The following KCNQ1 variants were observed in gnomAD, a reference collection of about 807,000 sequenced individuals.
KCNQ1 encodes potassium voltage-gated channel subfamily Q member 1, also known as potassium voltage-gated channel subfamily KQT member 1.
A neutral mutation model predicts 72.4 loss-of-function variants in KCNQ1; 49 were observed. That is an observed-to-expected ratio of 0.68 (90% confidence interval 0.54 to 0.86). The LOEUF is 0.86. Among genes scored for constraint, KCNQ1 ranks in the 40% least tolerant of loss-of-function variants. KCNQ1 has a pLI of 0.00. For synonymous variants in KCNQ1, 450 were observed against 412.6 expected, an observed-to-expected ratio of 1.09 and a Z score of -1.10; for missense variants, 790 against 945.1, an observed-to-expected ratio of 0.84 and a Z score of 2.15.
intron 3 of KCNQ1, 126 bp from the exon 4 acceptor site, chr11:2,571,199 C>A (rs1039014337): frequency 1.3e-6 from 1 of 790,578 alleles, no homozygotes; most frequent in East Asian, 2.6e-5. Context: ...TCCATGTCCC[C>A]GGTCATCAGG....
At position 2,445,455 on chromosome 11, in the gene KCNQ1, C is replaced by T. The variant is rs8178998; in HGVS notation, c.357C>T (p.Gly119=). ...RVYNFLERPT[G]WKCFVYHFAV... is the part of the protein sequence containing the mutation. The stretch of plus-strand genomic sequence containing the variant: ...ACAACTTCCTCGAGCGTCCCACCGG[C>T]TGGAAATGCTTCGTTTACCACTTCG... Residue 119 remains glycine (G), a synonymous_variant, in exon 1 of 16, where the codon GGC becomes GGT. Coordinates refer to ENST00000155840, the MANE Select transcript of KCNQ1 (RefSeq NM_000218.3). 1 of 1,597,012 alleles carries T rather than the reference C, an allele frequency of 6.3e-7. No individual in the cohort carries two copies. Among genetic ancestry groups the T allele is most frequent in the African/African-American group, 1.3e-5 (1 of 75,052 alleles).
chr11:2,467,468 G>T (rs755555401), intron 1 of KCNQ1, among the ~76,000 whole-genome samples: 2 of 152,174 alleles, frequency 1.3e-5, no homozygotes, highest in Non-Finnish European at 2.9e-5. Context: ...GTGGCCGGGG[G>T]CTCAGCTGAG....
chr11:2,469,942 G>A (rs1419422370), intron 1 of KCNQ1, among the ~76,000 whole-genome samples: 1 of 152,210 alleles, frequency 6.6e-6, no homozygotes, highest in Admixed American at 6.5e-5. Context: ...TTACAGGCAT[G>A]AGCCACCACG....
rs747533412 is a variant in KCNQ1, at chr11:2,566,556, C to T, written c.478-4072C>T. On this transcript the variant is annotated intron_variant, in intron 2 of 15. Coordinates refer to ENST00000155840, the MANE Select transcript of KCNQ1 (RefSeq NM_000218.3). The surrounding 1 kb of genome is among the most constrained non-coding windows in gnomAD (Gnocchi z 6.7). ...ACGTCTCGGTGCCCAGATCTGAGGC[C>T]CTTTTGTCCATGAAGCCATCTGCAG... is the stretch of plus-strand genomic sequence containing the variant. Among the ~76,000 whole-genome samples, 1 of 152,052 alleles carries T rather than the reference C, an allele frequency of 6.6e-6. No individual in the cohort carries two copies. The highest frequency in any genetic ancestry group is 1.5e-5 in the Non-Finnish European group (1 of 67,988).
intron 1 of KCNQ1, among the ~76,000 whole-genome samples, chr11:2,499,533 C>CCA (rs761604921): frequency 0.46 from 57,063 of 125,028 alleles, 13,607 homozygotes; most frequent in Non-Finnish European, 0.56. Flanking sequence ...CCTGCCCCCA[C>CCA]AAAAAAAGAC....
At chr11:2,655,193 G>C (rs1211319714) in intron 10 of KCNQ1, 4 of 398,534 alleles carry the variant, frequency 1.0e-5, no homozygotes, top group African/African-American at 2.1e-5. Context: ...AGACTTGGCA[G>C]CCAGCGTCCC....
intron 15 of KCNQ1, among the ~76,000 whole-genome samples, chr11:2,814,301 G>A (rs1035160917): frequency 1.3e-5 from 2 of 149,248 alleles, no homozygotes; most frequent in South Asian, 2.1e-4. Context: ...ATGGATGGAT[G>A]GATAGATGGA....
chr11:2,480,952 G>T (rs932215280), intron 1 of KCNQ1, among the ~76,000 whole-genome samples: 1 of 152,170 alleles, frequency 6.6e-6, no homozygotes, highest in Non-Finnish European at 1.5e-5. Flanking sequence ...TGTAGAAACC[G>T]CAGGCAAGTC....
At chr11:2,795,445 T>A (rs571498688) in intron 15 of KCNQ1, among the ~76,000 whole-genome samples, 1 of 152,326 alleles carries the variant, frequency 6.6e-6, no homozygotes, top group African/African-American at 2.4e-5. Flanking sequence ...GAGGGGCTCC[T>A]CCTCCTCCAA....
At chr11:2,514,177 T>C (rs1294547704) in intron 1 of KCNQ1, among the ~76,000 whole-genome samples, 3 of 152,162 alleles carry the variant, frequency 2.0e-5, no homozygotes, top group African/African-American at 7.2e-5. Flanking sequence ...CTGGCGGCCA[T>C]GGAGGCAGTG....
At chr11:2,796,024 T>C (rs1847121833) in intron 15 of KCNQ1, among the ~76,000 whole-genome samples, 1 of 152,020 alleles carries the variant, frequency 6.6e-6, no homozygotes, top group African/African-American at 2.4e-5. Context: ...CCACCGACAT[T>C]TCTTAGATGA....
rs949957544 is a variant in KCNQ1, at chr11:2,683,587, A to G, written c.1514+21506A>G. ...GACTGGCATCACAAACACTGCCCTG[A>G]AATGCCAACTCATTTCAAATACTGC... On this transcript the variant is annotated intron_variant, in intron 11 of 15. Coordinates refer to ENST00000155840, the MANE Select transcript of KCNQ1 (RefSeq NM_000218.3). The surrounding 1 kb of genome is among the most constrained non-coding windows in gnomAD (Gnocchi z 4.7). 7.0e-5 allele frequency: 28 copies of G among 398,542 alleles called. No homozygotes were observed. The highest frequency in any genetic ancestry group is 8.8e-5 in the Non-Finnish European group (20 of 226,082). The allele number at this position is 398,542 out of a possible 1,614,324, so 24.7% of individuals were successfully genotyped here. A position where few individuals can be genotyped will look rare whatever the true frequency, so the allele number is the denominator to read the frequency against.
At chr11:2,456,805 G>T (rs1233214376) in intron 1 of KCNQ1, among the ~76,000 whole-genome samples, 1 of 146,968 alleles carries the variant, frequency 6.8e-6, no homozygotes, top group Non-Finnish European at 1.5e-5. Context: ...CGGGCGTGGG[G>T]GTGGGCGCCT....
In KCNQ1 at chr11:2,663,832, G is replaced by C. The variant is rs1375303756; in HGVS notation, c.1514+1751G>C. ...GTGAGGGCTGCCAGTGCTGGTATCA[G>C]CACATGCCAAGCTCCCTGGAGCCAG... On this transcript the variant is annotated intron_variant, in intron 11 of 15. Transcript: ENST00000155840. The surrounding 1 kb of genome is among the most constrained non-coding windows in gnomAD (Gnocchi z 5.2). 2 of 398,598 alleles carry C rather than the reference G, an allele frequency of 5.0e-6. No individual in the cohort carries two copies. Among genetic ancestry groups the C allele is most frequent in the Non-Finnish European group, 8.8e-6 (2 of 226,150 alleles). 24.7% of individuals were successfully genotyped at this position (398,598 alleles called of 1,614,324 possible).
At chr11:2,810,588 C>T (rs374563402) in intron 15 of KCNQ1, among the ~76,000 whole-genome samples, 1 of 152,214 alleles carries the variant, frequency 6.6e-6, no homozygotes, top group African/African-American at 2.4e-5. Flanking sequence ...TTGATGGGCA[C>T]GACAGCTCCT....
In KCNQ1 at chr11:2,592,457, C is replaced by T. The variant is rs531083006; in HGVS notation, c.1393+3603C>T. On this transcript the variant is annotated intron_variant, in intron 10 of 15. Transcript: ENST00000155840. The surrounding 1 kb of genome is among the most constrained non-coding windows in gnomAD (Gnocchi z 5.2). ...CTCACTGAGGGGAGGCACCAGCCCT[C>T]ATCCCACGCAGCAGGGCCCGCTGCT... 5.3e-4 allele frequency among the ~76,000 whole-genome samples: 81 copies of T among 152,242 alleles called. No individual in the cohort carries two copies. The highest frequency in any genetic ancestry group is 1.9e-3 in the African/African-American group (78 of 41,584).
In KCNQ1 at chr11:2,698,560, A is replaced by T. The variant is rs1238497380; in HGVS notation, c.1514+36479A>T. ...ACTGCAACCTTTACTTCGCCCCCTA[A>T]TTCCTGACTCAGAATCCCCACCTAG... On this transcript the variant is annotated intron_variant, in intron 11 of 15. Coordinates refer to ENST00000155840, the MANE Select transcript of KCNQ1 (RefSeq NM_000218.3). This position sits in a 1 kb window ranked among gnomAD's most constrained non-coding sequence, Gnocchi z 5.1. 1 of 398,042 alleles carries T rather than the reference A, an allele frequency of 2.5e-6. No individual in the cohort carries two copies. The highest frequency in any genetic ancestry group is 4.4e-5 in the Admixed American group (1 of 22,684). The allele number at this position is 398,042 out of a possible 1,614,324, so 24.7% of individuals were successfully genotyped here. A position where few individuals can be genotyped will look rare whatever the true frequency, so the allele number is the denominator to read the frequency against.
intron 15 of KCNQ1, among the ~76,000 whole-genome samples, chr11:2,807,674 C>T (rs2134035184): frequency 6.8e-6 from 1 of 146,670 alleles, no homozygotes; most frequent in South Asian, 2.1e-4. Context: ...CCCACCCCCT[C>T]CAGGGCCCCC....
intron 10 of KCNQ1, chr11:2,632,156 C>T: frequency 2.7e-6 from 1 of 377,274 alleles, no homozygotes; most frequent in Non-Finnish European, 4.5e-6. Context: ...ACACTCTAGC[C>T]TGGGCGACAG....
Sources: gnomAD v4.1 joint callset for allele counts (sites outside exome capture counted in the v4.1 genomes callset) on GRCh38, gnomAD v4.1.1 for gene constraint, Gnocchi (gnomAD v3.1) non-coding constraint, MANE v1.5 for transcripts, NCBI Gene and HGNC (gene_info 2026-07-23, HGNC 2026-07-21) for gene names.